The following KLHL1 variants were observed in gnomAD, a reference collection of about 807,000 sequenced individuals.
KLHL1 encodes the protein kelch-like protein 1.
In KLHL1, 47 loss-of-function variants were observed where a neutral mutation model predicts 77.7. The ratio of observed to expected loss-of-function variants is 0.60; its 90% CI spans 0.48 to 0.77. KLHL1 has a LOEUF of 0.77. Among genes scored for constraint, KLHL1 ranks in the 30% least tolerant of loss-of-function variants. KLHL1 has a pLI of 0.00. For missense variants in KLHL1, 925 were observed against 910.8 expected (o/e 1.02, Z -0.20); for synonymous variants, 360 against 325.2 (o/e 1.11, Z -1.15).
At chr13:69,886,375 C>G (rs1420083938) in intron 4 of KLHL1, among the ~76,000 whole-genome samples, 2 of 24,920 alleles carry the variant, frequency 8.0e-5, no homozygotes, top group Non-Finnish European at 2.0e-4. Context: ...AAGTTTTGCA[C>G]CAGTTTTTTT....
intron 4 of KLHL1, among the ~76,000 whole-genome samples, chr13:69,934,905 G>T (rs17085685): frequency 6.8e-6 from 1 of 147,382 alleles, no homozygotes; most frequent in Non-Finnish European, 1.5e-5. Context: ...TTATGGGAGG[G>T]TTCCCATTGC....
intron 1 of KLHL1, among the ~76,000 whole-genome samples, chr13:70,054,045 A>C (rs1014235880): frequency 1.3e-5 from 2 of 152,060 alleles, no homozygotes; most frequent in Admixed American, 1.3e-4. Context: ...AGTATTAAAA[A>C]CATTCTTTTA....
At chr13:69,977,429 G>A (rs1884576070) in intron 1 of KLHL1, among the ~76,000 whole-genome samples, 2 of 151,994 alleles carry the variant, frequency 1.3e-5, no homozygotes, top group Admixed American at 1.3e-4. Flanking sequence ...ACAAATGACG[G>A]TATGAAAAAT....
chr13:69,918,205 C>T (rs1247425629), intron 4 of KLHL1, among the ~76,000 whole-genome samples: 1 of 151,722 alleles, frequency 6.6e-6, no homozygotes, highest in Non-Finnish European at 1.5e-5. Flanking sequence ...TGAAGTACTG[C>T]TAAAATAATT....
chr13:69,763,614 A>G (rs1168326371), intron 7 of KLHL1, among the ~76,000 whole-genome samples: 1 of 152,226 alleles, frequency 6.6e-6, no homozygotes, highest in Admixed American at 6.5e-5. Context: ...CATAAATGAT[A>G]GTAATTGGTA....
intron 9 of KLHL1, among the ~76,000 whole-genome samples, chr13:69,718,471 G>GA (rs775754656): frequency 6.6e-6 from 1 of 151,292 alleles, no homozygotes; most frequent in South Asian, 2.1e-4. Flanking sequence ...CATGAATGAG[G>GA]AAAAAAAGCA....
At chr13:70,079,055 A>G (rs1887331148) in intron 1 of KLHL1, among the ~76,000 whole-genome samples, 2 of 152,280 alleles carry the variant, frequency 1.3e-5, no homozygotes, top group South Asian at 4.1e-4. Flanking sequence ...TTAAACATGG[A>G]GTGCTTCAGA....
At chr13:70,015,666 A>G (rs1205731890) in intron 1 of KLHL1, among the ~76,000 whole-genome samples, 2 of 152,174 alleles carry the variant, frequency 1.3e-5, no homozygotes, top group Non-Finnish European at 2.9e-5. Flanking sequence ...ATTTTGCCCA[A>G]CTGTAGGGTG....
At chr13:69,901,330 T>G (rs965294207) in intron 4 of KLHL1, among the ~76,000 whole-genome samples, 2 of 152,218 alleles carry the variant, frequency 1.3e-5, no homozygotes, top group Admixed American at 1.3e-4. Context: ...CACTTTAACC[T>G]AAGTCACCTT....
intron 6 of KLHL1, among the ~76,000 whole-genome samples, chr13:69,809,385 G>T (rs1218084942): frequency 6.6e-6 from 1 of 152,104 alleles, no homozygotes; most frequent in Non-Finnish European, 1.5e-5. Flanking sequence ...CAAGCCAAAA[G>T]ATATTGAGGG....
At chr13:69,897,861 A>G (rs1881703997) in intron 4 of KLHL1, among the ~76,000 whole-genome samples, 1 of 152,232 alleles carries the variant, frequency 6.6e-6, no homozygotes, top group Non-Finnish European at 1.5e-5. Context: ...ATCATTAACC[A>G]GATTTAGATT....
intron 6 of KLHL1, among the ~76,000 whole-genome samples, chr13:69,806,539 C>G (rs1056032574): frequency 6.6e-6 from 1 of 152,100 alleles, no homozygotes; most frequent in African/African-American, 2.4e-5. Flanking sequence ...TTCCAGGCAG[C>G]TTACCCAGCT....
chr13:69,880,693 G>A (rs932636722), intron 5 of KLHL1, among the ~76,000 whole-genome samples: 5 of 152,096 alleles, frequency 3.3e-5, no homozygotes, highest in African/African-American at 1.2e-4. Flanking sequence ...CCCTATAACT[G>A]ATGACAGAAG....
intron 5 of KLHL1, among the ~76,000 whole-genome samples, chr13:69,863,044 G>A (rs1270512382): frequency 1.3e-5 from 2 of 152,040 alleles, no homozygotes; most frequent in Non-Finnish European, 2.9e-5. Flanking sequence ...TATCTTTGAA[G>A]ATTTTTCTCC....
chr13:70,057,036 A>T (rs2137399708), intron 1 of KLHL1, among the ~76,000 whole-genome samples: 1 of 152,264 alleles, frequency 6.6e-6, no homozygotes, highest in Middle Eastern at 3.4e-3. Flanking sequence ...GAAAAGACAA[A>T]CTAAATCAAC....
chr13:69,805,656 T>G (rs1040908877), intron 6 of KLHL1, among the ~76,000 whole-genome samples: 9 of 147,338 alleles, frequency 6.1e-5, no homozygotes, highest in African/African-American at 2.2e-4. Context: ...AAAATAAAAT[T>G]AGCAAGGTCA....
At chr13:69,726,976 A>C (rs1279544983) in intron 8 of KLHL1, among the ~76,000 whole-genome samples, 2 of 152,130 alleles carry the variant, frequency 1.3e-5, no homozygotes, top group African/African-American at 4.8e-5. Flanking sequence ...ATCTGTGGAA[A>C]CTTATCAATG....
At chr13:70,028,996 C>T (rs1438245890) in intron 1 of KLHL1, among the ~76,000 whole-genome samples, 1 of 139,756 alleles carries the variant, frequency 7.2e-6, no homozygotes, top group Non-Finnish European at 1.6e-5. Flanking sequence ...AAAAAAAAAT[C>T]ACTATTCCTG....
chr13:70,029,103 GTCAC>G (rs1243788915), intron 1 of KLHL1, among the ~76,000 whole-genome samples: 3 of 151,942 alleles, frequency 2.0e-5, no homozygotes, highest in African/African-American at 4.8e-5. Context: ...TTCACTTTTT[GTCAC>G]CATTCTGTGT....
Sources: gnomAD v4.1 joint callset for allele counts (sites outside exome capture counted in the v4.1 genomes callset) on GRCh38, gnomAD v4.1.1 for gene constraint, MANE v1.5 for transcripts, NCBI Gene and HGNC (gene_info 2026-07-23, HGNC 2026-07-21) for gene names.